The following PIGS variants were observed in gnomAD, a reference collection of about 807,000 sequenced individuals.
The protein encoded by PIGS is phosphatidylinositol glycan anchor biosynthesis class S.
PIGS carries 37 observed loss-of-function variants against 58.2 expected under a neutral mutation model. That is an observed-to-expected ratio of 0.64 (90% CI 0.49 to 0.84). The LOEUF (loss-of-function observed/expected upper bound fraction) is 0.84. Ranked by LOEUF, PIGS falls within the 40% of genes least tolerant of loss-of-function variation. The pLI is 0.00. For missense variants in PIGS, 629 were observed against 710.8 expected (o/e 0.88, Z 1.31); for synonymous variants, 269 against 289.2 (o/e 0.93, Z 0.71).
At chr17:28,568,910 A>G (rs1418200109) in intron 3 of PIGS, among the ~76,000 whole-genome samples, 2 of 152,026 alleles carry the variant, frequency 1.3e-5, no homozygotes, top group African/African-American at 4.8e-5. Flanking sequence ...AGCCTAGCCA[A>G]CATGGTGAAA....
chr17:28,554,883 T>G lies in PIGS; in HGVS notation c.1360A>C (p.Asn454His), dbSNP rs2070316159. 1.2e-6 allele frequency: 2 copies of G among 1,614,200 alleles called. No homozygotes were observed. The highest frequency in any genetic ancestry group is 1.1e-5 in the South Asian group (1 of 91,082). Reference sequence around the variant, plus strand: ...GCCACGTCGTCCTTAATGACAATGTTGCTGATCTTGCCCAGAAGCTGCGCC... The same window carrying G: ...GCCACGTCGTCCTTAATGACAATGTGGCTGATCTTGCCCAGAAGCTGCGCC... Reference protein sequence around the residue: ...SLAQLLGKISNIVIKDDVASE... With the variant: ...SLAQLLGKISHIVIKDDVASE... Residue 454 changes from asparagine (N) to histidine (H), a missense_variant, in exon 11 of 12, where the codon AAC becomes CAC. By Grantham distance (68) the Asn-to-His change is moderately conservative. Transcript: ENST00000308360.
chr17:28,556,259 T>C lies in PIGS; in HGVS notation c.1088A>G (p.Asn363Ser), dbSNP rs1424171041. 3.1e-6 allele frequency: 5 copies of C among 1,606,480 alleles called. No individual in the cohort carries two copies. The highest frequency in any genetic ancestry group is 2.2e-5 in the East Asian group (1 of 44,840). ...SPRWGGIMVY[N>S]VDSKTYNASV... ...GGCATTATAGGTTTTGGAGTCAACA[T>C]TATATACCTGAAAGGGGGAATGAGA... The change falls in exon 10 of 12, where the codon AAT becomes AGT. Residue 363 changes from asparagine to serine, a missense_variant. Coordinates refer to ENST00000308360, the MANE Select transcript of PIGS (RefSeq NM_033198.4).
chr17:28,560,555 A>G (rs927029048), intron 6 of PIGS, among the ~76,000 whole-genome samples: 10 of 152,086 alleles, frequency 6.6e-5, no homozygotes, highest in African/African-American at 2.4e-4. Context: ...AGGCAGGCAG[A>G]TCATTTGAGG....
At chr17:28,571,374 G>A in intron 1 of PIGS, 89 bp downstream of exon 1, 1 of 1,557,614 alleles carries the variant, frequency 6.4e-7, no homozygotes, top group Non-Finnish European at 8.7e-7. Flanking sequence ...CCCCGTCCGC[G>A]GGACCTCTCG....
chr17:28,567,324 A>C (rs944661135), intron 3 of PIGS, among the ~76,000 whole-genome samples: 3 of 152,246 alleles, frequency 2.0e-5, no homozygotes, highest in African/African-American at 7.2e-5. Flanking sequence ...CCAGTTTATA[A>C]GGAATATGGA....
intron 6 of PIGS, among the ~76,000 whole-genome samples, chr17:28,560,776 A>G (rs1268556417): frequency 6.6e-6 from 1 of 151,470 alleles, no homozygotes; most frequent in Non-Finnish European, 1.5e-5. Flanking sequence ...CTCCGTCTCA[A>G]AAAAAAATAA....
rs766499901 is a variant in PIGS, at chr17:28,563,841, G to A, written c.353C>T (p.Ala118Val). 1.2e-5 allele frequency: 20 copies of A among 1,613,902 alleles called. No individual in the cohort carries two copies. In the East Asian group the frequency reaches 4.2e-4, roughly 34 times the overall value. Residue 118 changes from alanine to valine, a missense_variant, in exon 4 of 12, where the codon GCC becomes GTC. Physicochemically the swap from Ala to Val is moderately conservative, Grantham distance 64 (BLOSUM62 0). Coordinates refer to ENST00000308360, the MANE Select transcript of PIGS (RefSeq NM_033198.4). Reference protein sequence around the residue: ...YRRALDHEEEALSSGSVQEAE... With the variant: ...YRRALDHEEEVLSSGSVQEAE... The stretch of plus-strand genomic sequence containing the variant: ...ACCTTGCACACTGCCCGATGACAGG[G>A]CCTCCTCCTCATGGTCCAAAGCCCT...
chr17:28,566,354 G>C (rs894288316), intron 3 of PIGS, among the ~76,000 whole-genome samples: 2 of 149,828 alleles, frequency 1.3e-5, no homozygotes, highest in African/African-American at 4.9e-5. Context: ...ATAACAGTGG[G>C]ATCCCGGCTC....
intron 4 of PIGS, 42 bp downstream of exon 4, chr17:28,563,776 G>T (rs1259710508): frequency 6.4e-7 from 1 of 1,555,920 alleles, no homozygotes; most frequent in Non-Finnish European, 8.9e-7. Flanking sequence ...GAAGGAAAAA[G>T]AGGGCTTCAC....
intron 3 of PIGS, among the ~76,000 whole-genome samples, chr17:28,568,797 T>C (rs2070408642): frequency 6.6e-6 from 1 of 152,170 alleles, no homozygotes; most frequent in Admixed American, 6.5e-5. Flanking sequence ...AATTTTTGTT[T>C]AGAAAACAAG....
At chr17:28,559,499 C>A (rs1209779528) in intron 7 of PIGS, among the ~76,000 whole-genome samples, 2 of 150,958 alleles carry the variant, frequency 1.3e-5, no homozygotes, top group Admixed American at 1.3e-4. Flanking sequence ...GGGCAAAGAT[C>A]AAGACCATCC....
chr17:28,555,408 G>A (rs1269680209), intron 10 of PIGS: 1 of 285,722 alleles, frequency 3.5e-6, no homozygotes, highest in African/African-American at 2.3e-5. Context: ...TGGGGCCAAT[G>A]GGACTTAGCA....
intron 3 of PIGS, among the ~76,000 whole-genome samples, chr17:28,566,208 G>A (rs1307503385): frequency 3.6e-5 from 5 of 140,466 alleles, no homozygotes; most frequent in African/African-American, 1.1e-4. Context: ...ACTTCAGCCT[G>A]AGTGTCAGAC....
chr17:28,564,690 G>A (rs1328926506), intron 3 of PIGS, among the ~76,000 whole-genome samples: 2 of 151,506 alleles, frequency 1.3e-5, no homozygotes. Flanking sequence ...ACTCCAGCCT[G>A]GGCAACAAGA....
chr17:28,560,148 G>A lies in PIGS; in HGVS notation c.720C>T (p.Ser240=), dbSNP rs150231388. The A allele has an allele frequency of 1.2e-5, 20 of 1,612,746 alleles. No homozygotes were observed. Among genetic ancestry groups the A allele is most frequent in the African/African-American group, 4.0e-5 (3 of 74,836 alleles). Residue 240 remains serine, a synonymous_variant, in exon 7 of 12, where the codon TCC becomes TCT. Transcript: ENST00000308360. ...CCTCAATGTCCCAGTAGACATCATG[G>A]GACTTGGGGTCTGGGTTGAGTAAAC... The part of the protein sequence containing the change: ...TFSLLNPDPK[S]HDVYWDIEGA...
At chr17:28,556,561 C>T in intron 9 of PIGS, 1 of 716,176 alleles carries the variant, frequency 1.4e-6, no homozygotes. Context: ...GCAAGACTCC[C>T]ACAAATAAGG....
intron 9 of PIGS, 121 bp from the exon 10 acceptor site, chr17:28,556,387 G>A: frequency 3.8e-6 from 3 of 792,036 alleles, no homozygotes; most frequent in South Asian, 1.4e-5. Context: ...AAACCTCATG[G>A]TATAGCTAAT....
intron 3 of PIGS, among the ~76,000 whole-genome samples, chr17:28,566,593 CTTTTT>C (rs959977540): frequency 7.6e-6 from 1 of 131,410 alleles, no homozygotes. Flanking sequence ...GCCCAGCCTA[CTTTTT>C]TTTTTTTTTT....
At chr17:28,570,992 T>C (rs775596514) in intron 2 of PIGS, 29 bp from the exon 3 acceptor site, 2 of 1,614,184 alleles carry the variant, frequency 1.2e-6, no homozygotes, top group South Asian at 2.2e-5. Flanking sequence ...GGGCCGTCAC[T>C]GAGTCTCCAC....
Sources: gnomAD v4.1 joint callset for allele counts (sites outside exome capture counted in the v4.1 genomes callset) on GRCh38, gnomAD v4.1.1 for gene constraint, MANE v1.5 for transcripts, NCBI Gene and HGNC (gene_info 2026-07-23, HGNC 2026-07-21) for gene names.